Variants in ARHGEF26 observed in about 807,000 individuals in gnomAD.
ARHGEF26 encodes the protein Rho guanine nucleotide exchange factor 26.
ARHGEF26 carries 59 observed loss-of-function variants against 89.4 expected under a neutral mutation model. The observed-to-expected ratio is 0.66, with a 90% CI of 0.54 to 0.82. The LOEUF is 0.82. Ranked by LOEUF, ARHGEF26 falls within the 40% of genes least tolerant of loss-of-function variation. ARHGEF26 has a pLI of 0.00. For missense variants in ARHGEF26, 1,234 were observed against 1,085.6 expected, an observed-to-expected ratio of 1.14 and a Z score of -1.92; for synonymous variants, 500 against 428.4, an observed-to-expected ratio of 1.17 and a Z score of -2.06.
chr3:154,126,275 T>C (rs962567793), intron 3 of ARHGEF26, among the ~76,000 whole-genome samples: 3 of 152,190 alleles, frequency 2.0e-5, no homozygotes, highest in Non-Finnish European at 4.4e-5. Context: ...TTTTGGTAGA[T>C]GGGAAAGTCA....
Position 154,256,438 on chromosome 3 carries a change from G to A in ARHGEF26, c.*965G>A, listed in dbSNP as rs1718507541. The A allele has an allele frequency of 1.2e-6, 1 of 812,132 alleles. No individual in the cohort carries two copies. The highest frequency in any genetic ancestry group is 1.5e-6 in the Non-Finnish European group (1 of 673,860). 50.3% of individuals were successfully genotyped at this position (812,132 alleles called of 1,614,324 possible). A position where few individuals can be genotyped will look rare whatever the true frequency, so the allele number is the denominator to read the frequency against. ...GGGTTTCATCATGTTGGCCAGGATGGTCTCTTAACTCCTGCCCTCAAGTGA... is the reference window on the plus strand; with the variant it reads ...GGGTTTCATCATGTTGGCCAGGATGATCTCTTAACTCCTGCCCTCAAGTGA... On this transcript the variant is annotated 3_prime_UTR_variant, in exon 15 of 15. Coordinates refer to ENST00000465093, the MANE Select transcript of ARHGEF26 (RefSeq NM_015595.4).
chr3:154,144,848 A>C (rs758463692), intron 4 of ARHGEF26, among the ~76,000 whole-genome samples: 6 of 152,196 alleles, frequency 3.9e-5, no homozygotes, highest in Non-Finnish European at 7.3e-5. Flanking sequence ...AGCTTTTTGA[A>C]CAAATTAATT....
chr3:154,228,387 T>A (rs191189341), intron 11 of ARHGEF26, among the ~76,000 whole-genome samples: 10 of 152,114 alleles, frequency 6.6e-5, no homozygotes, highest in African/African-American at 2.4e-4. Flanking sequence ...TCTGCCTGTC[T>A]CGGCCTCCCA....
Position 154,122,639 on chromosome 3 carries a change from C to T in ARHGEF26, c.647C>T (p.Pro216Leu). 2.5e-6 allele frequency: 4 copies of T among 1,613,886 alleles called. No individual in the cohort carries two copies. The highest frequency in any genetic ancestry group is 2.2e-5 in the East Asian group (1 of 44,878). ...PQKSSSEQKLPLQRLPSQENE... is the reference protein window; with the variant it reads ...PQKSSSEQKLLLQRLPSQENE... ...AAAAGTTCTTCGGAACAAAAACTCC[C>T]CCTCCAAAGGCTGCCCTCCCAGGAG... The change falls in exon 2 of 15, where the codon CCC becomes CTC. Residue 216 changes from proline to leucine, a missense_variant. Physicochemically the swap from Pro to Leu is moderately conservative, Grantham distance 98. Transcript: ENST00000465093.
At chr3:154,239,261 GGAGAGAGAGAGAGA>G (rs869046214) in intron 11 of ARHGEF26, among the ~76,000 whole-genome samples, 71 of 105,662 alleles carry the variant, frequency 6.7e-4, no homozygotes, top group African/African-American at 2.8e-3. Flanking sequence ...AGAGAGAGAG[GGAGAGAGAGAGAGA>G]GAGAGAGAGA....
chr3:154,255,241 G>C, intron 14 of ARHGEF26, 90 bp from the exon 15 acceptor site: 1 of 1,360,030 alleles, frequency 7.4e-7, no homozygotes, highest in South Asian at 1.4e-5. Context: ...AGCCTGGGGA[G>C]GGATGCTGCC....
chr3:154,205,618 A>C (rs1051504239), intron 9 of ARHGEF26, among the ~76,000 whole-genome samples: 2 of 152,048 alleles, frequency 1.3e-5, no homozygotes, highest in South Asian at 2.1e-4. Context: ...TCCTCTAGTG[A>C]AGATTATTTC....
chr3:154,251,090 G>T (rs1718119904), intron 12 of ARHGEF26, among the ~76,000 whole-genome samples: 1 of 152,086 alleles, frequency 6.6e-6, no homozygotes, highest in African/African-American at 2.4e-5. Context: ...CTTTGAAAAT[G>T]CCTGTCTTTC....
At chr3:154,132,915 T>TA (rs748541092) in intron 4 of ARHGEF26, among the ~76,000 whole-genome samples, 1 of 152,098 alleles carries the variant, frequency 6.6e-6, no homozygotes, top group South Asian at 2.1e-4. Context: ...AAACTCTTCT[T>TA]AAAGACAAGG....
At chr3:154,178,387 C>T (rs552016151) in intron 6 of ARHGEF26, among the ~76,000 whole-genome samples, 3 of 152,238 alleles carry the variant, frequency 2.0e-5, no homozygotes, top group African/African-American at 7.2e-5. Context: ...CATTAGCGCT[C>T]ACTCCGCATT....
At chr3:154,187,659 ATT>A in intron 6 of ARHGEF26, 24 bp from the exon 7 acceptor site, 2 of 1,556,970 alleles carry the variant, frequency 1.3e-6, no homozygotes, top group Non-Finnish European at 8.7e-7. Context: ...AGAAGTGTTA[ATT>A]TTTTTTTCCC....
At chr3:154,121,322 G>A (rs1286917774), upstream of ARHGEF26, 2 of 152,212 alleles carry the variant, frequency 1.3e-5, no homozygotes, top group Non-Finnish European at 2.9e-5. Context: ...GGCTGCGATG[G>A]AGGCGGATCT....
In ARHGEF26 at chr3:154,122,358, C is replaced by T. The variant is rs752948647; in HGVS notation, c.366C>T (p.Gly122=). The T allele has an allele frequency of 2.7e-5, 43 of 1,612,386 alleles. No individual in the cohort carries two copies. Among genetic ancestry groups the T allele is most frequent in the Middle Eastern group, 1.6e-4 (1 of 6,082 alleles). ...KSPKLPKAVP[G]GSPKSPANGA... ...CCAAGCTCCCCAAAGCGGTGCCTGG[C>T]GGCTCCCCGAAATCCCCAGCAAATG... Residue 122 remains glycine (G), a synonymous_variant, in exon 2 of 15, where the codon GGC becomes GGT. Transcript: ENST00000465093.
In ARHGEF26 at chr3:154,256,470, A is replaced by G. The variant is rs1718509301; in HGVS notation, c.*997A>G. 3.4e-6 allele frequency: 3 copies of G among 887,226 alleles called. No individual in the cohort carries two copies. The highest frequency in any genetic ancestry group is 5.2e-5 in the South Asian group (1 of 19,118). The allele number at this position is 887,226 out of a possible 1,614,324, so 55.0% of individuals were successfully genotyped here. ...AACTCCTGCCCTCAAGTGATCCACC[A>G]GAGAGGAGATCCTCGGCCTCCCCAA... On this transcript the variant is annotated 3_prime_UTR_variant, in exon 15 of 15. Coordinates refer to ENST00000465093, the MANE Select transcript of ARHGEF26 (RefSeq NM_015595.4).
In ARHGEF26 at chr3:154,203,210, G is replaced by C. The variant is rs147495155; in HGVS notation, c.1845+8492G>C. Among the ~76,000 whole-genome samples the C allele has an allele frequency of 6.7e-3, 1,024 of 152,190 alleles. 14 individuals are homozygous for C. Among genetic ancestry groups the C allele is most frequent in the African/African-American group, 0.024 (1,003 of 41,516 alleles). On this transcript the variant is annotated intron_variant, in intron 9 of 14. Coordinates refer to ENST00000465093, the MANE Select transcript of ARHGEF26 (RefSeq NM_015595.4). ...TTTATTGAGAGTTTTTAGCATGAAG[G>C]GTTGTTGAATTTTGTCAAAGGCCTT...
rs558061592 is a variant in ARHGEF26 at position 154,178,915 on chromosome 3, A to T, written c.1488-8770A>T. Among the ~76,000 whole-genome samples, 25 of 152,234 alleles carry T rather than the reference A, an allele frequency of 1.6e-4. No homozygotes were observed. The South Asian group carries it at 1.7e-3, about 10-fold the overall frequency. ...CCTTCACCCTGCTCCCTCCAGGGTTACTTTCCTAAAATACCAGAAACCCTA... is the reference window on the plus strand; with the variant it reads ...CCTTCACCCTGCTCCCTCCAGGGTTTCTTTCCTAAAATACCAGAAACCCTA... On this transcript the variant is annotated intron_variant, in intron 6 of 14. Transcript: ENST00000465093.
At chr3:154,240,238 TTAAAA>T (rs1717405112) in intron 11 of ARHGEF26, 127 bp from the exon 12 acceptor site, 1 of 638,692 alleles carries the variant, frequency 1.6e-6, no homozygotes, top group Non-Finnish European at 2.7e-6. Flanking sequence ...AATTCATAGT[TTAAAA>T]TAAGTCATTC....
intron 13 of ARHGEF26, among the ~76,000 whole-genome samples, chr3:154,254,060 C>T (rs531193175): frequency 5.7e-4 from 87 of 152,222 alleles, no homozygotes; most frequent in African/African-American, 1.9e-3. Context: ...AGACTACAGG[C>T]GCCCGCCACC....
At position 154,240,577 on chromosome 3, in the gene ARHGEF26, G is replaced by C; in HGVS notation, c.2298G>C (p.Thr766=). 6.2e-7 allele frequency: 1 copy of C among 1,605,056 alleles called. No homozygotes were observed. Among genetic ancestry groups the C allele is most frequent in the Non-Finnish European group, 8.5e-7 (1 of 1,175,438 alleles). The stretch of plus-strand genomic sequence containing the variant: ...TGGAGATGCTACTAGGAGCTGAGAC[G>C]CAGTAAGTATATGTGGGGAAAAGAT... ...EKVEMLLGAE[T]QSERARWITA... is the part of the protein sequence containing the mutation. Residue 766 remains threonine, a splice_region_variant and synonymous_variant, in exon 12 of 15, where the codon ACG becomes ACC. Transcript: ENST00000465093.
Sources: gnomAD v4.1 joint callset for allele counts (sites outside exome capture counted in the v4.1 genomes callset) on GRCh38, gnomAD v4.1.1 for gene constraint, MANE v1.5 for transcripts, NCBI Gene and HGNC (gene_info 2026-07-23, HGNC 2026-07-21) for gene names.